The following FASTK variants were observed in gnomAD, a reference collection of about 807,000 sequenced individuals.
FASTK encodes Fas activated serine/threonine kinase.
Under a neutral mutation model 60.0 loss-of-function variants are expected in FASTK, and 28 were observed. The ratio of observed to expected loss-of-function variants is 0.47; its 90% CI spans 0.35 to 0.64. The LOEUF is 0.64. Ranked by LOEUF, FASTK falls within the 30% of genes least tolerant of loss-of-function variation. The probability of loss-of-function intolerance (pLI) is 0.01; values close to 1 mark genes in which losing one functional copy is unlikely to be tolerated. For missense variants in FASTK, 595 were observed against 713.8 expected (o/e 0.83, Z 1.90); for synonymous variants, 325 against 307.9 (o/e 1.06, Z -0.58).
In FASTK at chr7:151,078,601, G is replaced by A. The variant is rs1797801775; in HGVS notation, c.786C>T (p.Ala262=). The change falls in exon 4 of 10, where the codon GCC becomes GCT. Residue 262 remains alanine (A), a synonymous_variant. Coordinates refer to ENST00000297532, the MANE Select transcript of FASTK (RefSeq NM_006712.5). The part of the protein sequence containing the change: ...LREPQLLEAI[A]HFLVVQETQL... ...GCGTTTCCTGAACCACCAGGAAGTG[G>A]GCAATGGCTTCCAGAAGCTGGGGCT... 1 of 1,613,760 alleles carries A rather than the reference G, an allele frequency of 6.2e-7. No homozygotes were observed. Among genetic ancestry groups the A allele is most frequent in the Non-Finnish European group, 8.5e-7 (1 of 1,180,014 alleles).
chr7:151,080,736 G>C lies in FASTK; in HGVS notation c.31C>G (p.Arg11Gly), dbSNP rs1222088707. 5 of 1,313,650 alleles carry C rather than the reference G, an allele frequency of 3.8e-6. No homozygotes were observed. The highest frequency in any genetic ancestry group is 4.8e-6 in the Non-Finnish European group (5 of 1,031,642). The allele number at this position is 1,313,650 out of a possible 1,614,324, so 81.4% of individuals were successfully genotyped here. Residue 11 changes from arginine to glycine, a missense_variant, in exon 1 of 10, where the codon CGG (arginine) becomes GGG (glycine). This residue lies in a region of FASTK where 124 missense variants were observed against 107.9 expected (regional missense o/e 1.15). Coordinates refer to ENST00000297532, the MANE Select transcript of FASTK (RefSeq NM_006712.5). ...GCTCCCTCAGTCGGTCTCGGGGCCC[G>C]GGGGCCGGGTTCCCCCCGCGGCCTC... MRRPRGEPGPRAPRPTEGATC... is the reference protein window; with the variant it reads MRRPRGEPGPGAPRPTEGATC...
At chr7:151,080,504 G>T (rs544899361) in intron 1 of FASTK, 181 bp downstream of exon 1, 17 of 1,288,190 alleles carry the variant, frequency 1.3e-5, no homozygotes, top group Admixed American at 8.4e-5. Flanking sequence ...TGAAAACGCA[G>T]CGCCCACCTC....
intron 1 of FASTK, 93 bp downstream of exon 1, chr7:151,080,592 C>G: frequency 7.5e-7 from 1 of 1,339,430 alleles, no homozygotes. Context: ...CAACACCCAC[C>G]CCGGCCCAGG....
rs1029625418 is a variant in FASTK at position 151,080,757 on chromosome 7, G to C, written c.10C>G (p.Pro4Ala). The C allele has an allele frequency of 7.7e-7, 1 of 1,299,944 alleles. No individual in the cohort carries two copies. Among genetic ancestry groups the C allele is most frequent in the East Asian group, 3.1e-5 (1 of 31,962 alleles). 80.5% of individuals were successfully genotyped at this position (1,299,944 alleles called of 1,614,324 possible). Residue 4 changes from proline (P) to alanine (A), a missense_variant, in exon 1 of 10, where the codon CCG becomes GCG. Transcript: ENST00000297532. Reference sequence around the variant, plus strand: ...GCCCGGGGGCCGGGTTCCCCCCGCGGCCTCCTCATCGGCTAGCCACCGAGT... The same window carrying C: ...GCCCGGGGGCCGGGTTCCCCCCGCGCCCTCCTCATCGGCTAGCCACCGAGT... MRR[P>A]RGEPGPRAPR...
At chr7:151,077,824 T>G in intron 5 of FASTK, 44 bp from the exon 6 acceptor site, 1 of 1,594,956 alleles carries the variant, frequency 6.3e-7, no homozygotes, top group African/African-American at 1.3e-5. Context: ...CAGGCCACCC[T>G]GCTCCCCTGC....
Position 151,078,001 on chromosome 7 carries a change from C to G in FASTK, c.917G>C (p.Arg306Pro), listed in dbSNP as rs774841313. The G allele has an allele frequency of 2.5e-6, 4 of 1,612,456 alleles. No individual in the cohort carries two copies. The highest frequency in any genetic ancestry group is 3.4e-6 in the Non-Finnish European group (4 of 1,178,916). The change falls in exon 5 of 10, where the codon CGG becomes CCG. Residue 306 changes from arginine to proline, a missense_variant. Physicochemically the swap from Arg to Pro is moderately radical, Grantham distance 103. Around this residue, in one of 2 missense-constraint regions of FASTK, gnomAD observed 471 missense variants for 605.9 expected, o/e 0.78. Coordinates refer to ENST00000297532, the MANE Select transcript of FASTK (RefSeq NM_006712.5). ...AGCCAGGGGTGCCACCCCTGCTTCC[C>G]GAGCCAGGATCCTCTCAAGGCAGGG... ...FMPCLERILA[R>P]EAGVAPLATV...
Position 151,079,570 on chromosome 7 carries a change from G to A in FASTK, c.435C>T (p.Leu145=). Residue 145 remains leucine (L), a synonymous_variant, in exon 2 of 10, where the codon CTC becomes CTT. Coordinates refer to ENST00000297532, the MANE Select transcript of FASTK (RefSeq NM_006712.5). ...CAAAGGAGGGGCAGTTTCGGATGAT[G>A]AGCTGACTCAAGTCCTGCAGTGTGA... ...EQVTLQDLSQ[L]IIRNCPSFDI... is the part of the protein sequence containing the mutation. 1.2e-6 allele frequency: 2 copies of A among 1,613,938 alleles called. No homozygotes were observed. The highest frequency in any genetic ancestry group is 1.7e-6 in the Non-Finnish European group (2 of 1,179,948).
Position 151,078,676 on chromosome 7 carries a change from G to A in FASTK, c.711C>T (p.Pro237=), listed in dbSNP as rs908596693. Residue 237 remains proline, a synonymous_variant, in exon 4 of 10, where the codon CCC becomes CCT. Coordinates refer to ENST00000297532, the MANE Select transcript of FASTK (RefSeq NM_006712.5). The stretch of plus-strand genomic sequence containing the variant: ...GCTGGGCCAGGAGCACCATCACGTG[G>A]GGAGTCAGTTCCTCTGGCCTTGCCT... The part of the protein sequence containing the change: ...LAEARPEELT[P]HVMVLLAQHL... 1 of 1,612,986 alleles carries A rather than the reference G, an allele frequency of 6.2e-7. No individual in the cohort carries two copies. Among genetic ancestry groups the A allele is most frequent in the Admixed American group, 1.7e-5 (1 of 59,978 alleles).
chr7:151,077,003 G>A lies in FASTK; in HGVS notation c.1452C>T (p.Arg484=), dbSNP rs35223428. Residue 484 remains arginine (R), a synonymous_variant, in exon 9 of 10, where the codon CGC becomes CGT. Transcript: ENST00000297532. The part of the protein sequence containing the change: ...AQRVVLVLRE[R]WHFCRDGRVL... ...CCCGGCCGTCCCGGCAGAAATGCCA[G>A]CGTTCCCGCAACACCAGCACCACCC... 1,231 of 1,612,552 alleles carry A rather than the reference G, an allele frequency of 7.6e-4. 9 individuals carry two copies. In the African/African-American group the frequency reaches 0.014, roughly 18 times the overall value.
rs1385115800 is a variant in FASTK, at chr7:151,077,021, C to T, written c.1434G>A (p.Val478=). The T allele has an allele frequency of 5.0e-6, 8 of 1,612,554 alleles. No individual in the cohort carries two copies. In the Admixed American group the frequency reaches 1.3e-4, roughly 27 times the overall value. ...AATGCCAGCGTTCCCGCAACACCAGCACCACCCTGCAGGGGGAGGGACGTG... is the reference window on the plus strand; with the variant it reads ...AATGCCAGCGTTCCCGCAACACCAGTACCACCCTGCAGGGGGAGGGACGTG... ...ATTRDPAQRV[V]LVLRERWHFC... The change falls in exon 9 of 10, where the codon GTG becomes GTA. Residue 478 remains valine, a synonymous_variant. Transcript: ENST00000297532.
In FASTK at chr7:151,076,921, G is replaced by T; in HGVS notation, c.1534C>A (p.Leu512Ile). Residue 512 changes from leucine to isoleucine, a missense_variant, in exon 9 of 10, where the codon CTC (leucine) becomes ATC (isoleucine). Leu to Ile is a conservative substitution (Grantham distance 5). Coordinates refer to ENST00000297532, the MANE Select transcript of FASTK (RefSeq NM_006712.5). ...AGGCCAGGGCCACTCACCGGCAGGA[G>T]CTGGTAGCCCATCAGGCCTAGGTGC... ...ERHLGLMGYQ[L>I]LPLPFEELES... 2 of 1,606,684 alleles carry T rather than the reference G, an allele frequency of 1.2e-6. No individual in the cohort carries two copies. The highest frequency in any genetic ancestry group is 1.7e-6 in the Non-Finnish European group (2 of 1,176,064).
Position 151,076,958 on chromosome 7 carries a change from G to C in FASTK, c.1497C>G (p.Ala499=). 1 of 1,612,122 alleles carries C rather than the reference G, an allele frequency of 6.2e-7. No individual in the cohort carries two copies. Among genetic ancestry groups the C allele is most frequent in the Non-Finnish European group, 8.5e-7 (1 of 1,179,616 alleles). Residue 499 remains alanine (A), a synonymous_variant, in exon 9 of 10, where the codon GCC becomes GCG. Transcript: ENST00000297532. Reference sequence around the variant, plus strand: ...TCAGGCCTAGGTGCCGCTCCCTCAGGGCCCTCGAGCCCAGCAGCACCCGGC... The same window carrying C: ...TCAGGCCTAGGTGCCGCTCCCTCAGCGCCCTCGAGCCCAGCAGCACCCGGC... The part of the protein sequence containing the change: ...RDGRVLLGSR[A]LRERHLGLMG...
At chr7:151,080,074 C>G (rs1225756229) in intron 1 of FASTK, 152 bp from the exon 2 acceptor site, 5 of 650,130 alleles carry the variant, frequency 7.7e-6, no homozygotes, top group Non-Finnish European at 1.3e-5. Flanking sequence ...CGCCCCTCTG[C>G]CTCCTTCCAC....
chr7:151,077,514 A>G (rs906647404), intron 6 of FASTK, 107 bp downstream of exon 6: 4 of 1,504,504 alleles, frequency 2.7e-6, no homozygotes, highest in Non-Finnish European at 3.6e-6. Flanking sequence ...GCCCAGTTTT[A>G]TGGTGGCCGA....
At position 151,078,164 on chromosome 7, in the gene FASTK, G is replaced by T; in HGVS notation, c.826-72C>A. 2.5e-6 allele frequency: 3 copies of T among 1,185,198 alleles called. No homozygotes were observed. The Admixed American group carries it at 6.3e-5, about 25-fold the overall frequency. The allele number at this position is 1,185,198 out of a possible 1,614,324, so 73.4% of individuals were successfully genotyped here. On this transcript the variant is annotated intron_variant, in intron 4 of 9. Coordinates refer to ENST00000297532, the MANE Select transcript of FASTK (RefSeq NM_006712.5). The stretch of plus-strand genomic sequence containing the variant: ...GTCATCTTTTACAAGCTAAGCCTTA[G>T]AGAGGCTTAGCCCTCAGGTTTACAA...
intron 3 of FASTK, 56 bp downstream of exon 3, chr7:151,078,786 C>A (rs772865827): frequency 1.2e-6 from 2 of 1,608,870 alleles, no homozygotes; most frequent in Non-Finnish European, 1.7e-6. Flanking sequence ...CTGAGCCCAC[C>A]TTCCTCCTCC....
intron 2 of FASTK, 130 bp from the exon 3 acceptor site, chr7:151,079,151 G>T (rs1797839533): frequency 1.3e-6 from 1 of 793,648 alleles, no homozygotes; most frequent in Admixed American, 3.6e-5. Flanking sequence ...TAGAGTTTAA[G>T]TGCAAACACT....
chr7:151,079,412 C>T, intron 2 of FASTK, 88 bp downstream of exon 2: 4 of 1,307,160 alleles, frequency 3.1e-6, no homozygotes, highest in Non-Finnish European at 4.2e-6. Flanking sequence ...GCCTGAGAGG[C>T]TGGGTCTCTG....
rs1187704166 is a variant in FASTK, at chr7:151,077,372, C to T, written c.1229G>A (p.Arg410His). 12 of 1,612,584 alleles carry T rather than the reference C, an allele frequency of 7.4e-6. No individual in the cohort carries two copies. Among genetic ancestry groups the T allele is most frequent in the Admixed American group, 1.7e-5 (1 of 60,000 alleles). Residue 410 changes from arginine to histidine, a missense_variant, in exon 7 of 10, where the codon CGC (arginine) becomes CAC (histidine). Around this residue, in one of 2 missense-constraint regions of FASTK, gnomAD observed 471 missense variants for 605.9 expected, o/e 0.78. Coordinates refer to ENST00000297532, the MANE Select transcript of FASTK (RefSeq NM_006712.5). The stretch of plus-strand genomic sequence containing the variant: ...GTATTTCTCCTCCCCCAGCAGCTGG[C>T]GCAACCCCTCAGCTACTATGTCCTT... The part of the protein sequence containing the change: ...SHKDIVAEGL[R>H]QLLGEEKYRQ...
Sources: allele counts gnomAD v4.1 joint callset, GRCh38; gene constraint gnomAD v4.1.1; regional missense constraint gnomAD v4.1.1; transcripts MANE v1.5; gene names NCBI Gene and HGNC (gene_info 2026-07-23, HGNC 2026-07-21).